The following C10orf67 variants were observed in gnomAD, a reference collection of about 807,000 sequenced individuals.
C10orf67 encodes the protein uncharacterized protein C10orf67, mitochondrial.
A neutral mutation model predicts 35.6 loss-of-function variants in C10orf67; 60 were observed. The ratio of observed to expected loss-of-function variants is 1.68; its 90% CI spans 1.37 to 2.09. The LOEUF (loss-of-function observed/expected upper bound fraction) is 2.09. C10orf67 is among the 30% of genes most tolerant of loss of function. The probability of loss-of-function intolerance (pLI) is 0.00; values close to 1 mark genes in which losing one functional copy is unlikely to be tolerated. For missense variants in C10orf67, 474 were observed against 330.2 expected, an observed-to-expected ratio of 1.44 and a Z score of -3.38; for synonymous variants, 167 against 115.8, an observed-to-expected ratio of 1.44 and a Z score of -2.84.
intron 10 of C10orf67, among the ~76,000 whole-genome samples, chr10:23,264,071 C>T (rs1237458850): frequency 6.6e-6 from 1 of 152,080 alleles, no homozygotes; most frequent in Non-Finnish European, 1.5e-5. Context: ...TGTAACAAGC[C>T]CTCCATGTGG....
At chr10:23,219,450 T>A (rs1329453220) in intron 15 of C10orf67, among the ~76,000 whole-genome samples, 1 of 152,226 alleles carries the variant, frequency 6.6e-6, no homozygotes, top group Non-Finnish European at 1.5e-5. Context: ...TCTGTGGCAG[T>A]GCACAGTACA....
chr10:23,293,515 A>C (rs1305881194), intron 5 of C10orf67, among the ~76,000 whole-genome samples: 1 of 152,200 alleles, frequency 6.6e-6, no homozygotes, highest in Non-Finnish European at 1.5e-5. Context: ...GTGTTTGCTT[A>C]AACCAGGAGA....
At chr10:23,271,944 C>T (rs1310939638) in intron 8 of C10orf67, among the ~76,000 whole-genome samples, 2 of 152,170 alleles carry the variant, frequency 1.3e-5, no homozygotes, top group Admixed American at 1.3e-4. Flanking sequence ...TGCTCTGTCA[C>T]CCAGGCTGGA....
chr10:23,240,137 GC>G (rs1240479500), intron 12 of C10orf67, among the ~76,000 whole-genome samples: 1 of 152,096 alleles, frequency 6.6e-6, no homozygotes, highest in Non-Finnish European at 1.5e-5. Context: ...GCTGCAGTGA[GC>G]CGTGATTGCA....
At chr10:23,316,693 C>G (rs1457369914) in intron 4 of C10orf67, 2 of 152,706 alleles carry the variant, frequency 1.3e-5, no homozygotes, top group Non-Finnish European at 2.9e-5. Context: ...TGCTCAGCTC[C>G]CAGCTAAGAG....
intron 9 of C10orf67, 100 bp from the exon 10 acceptor site, chr10:23,266,526 G>C: frequency 2.5e-6 from 1 of 397,158 alleles, no homozygotes; most frequent in South Asian, 1.4e-4. Flanking sequence ...TGGAATTGCA[G>C]AACTGAGGTT....
intron 13 of C10orf67, among the ~76,000 whole-genome samples, chr10:23,229,247 T>C (rs1486897091): frequency 1.3e-5 from 2 of 151,976 alleles, no homozygotes; most frequent in Non-Finnish European, 2.9e-5. Context: ...TGGAATACTA[T>C]GCAGCCATAT....
At chr10:23,309,428 C>T (rs1038912820) in intron 4 of C10orf67, among the ~76,000 whole-genome samples, 2 of 152,092 alleles carry the variant, frequency 1.3e-5, no homozygotes, top group African/African-American at 4.8e-5. Context: ...TGAAATATTA[C>T]CTATTGAATA....
rs374188435 is a variant in C10orf67 at position 23,207,920 on chromosome 10, T to C, written c.1571-3665A>G. On this transcript the variant is annotated intron_variant, in intron 15 of 15. Transcript: ENST00000636213. Reference sequence around the variant, plus strand: ...GTGTAGAACATAACAAATTATGCAATGTTCACAGATGCGCTTCACATTGTG... The same window carrying C: ...GTGTAGAACATAACAAATTATGCAACGTTCACAGATGCGCTTCACATTGTG... Among the ~76,000 whole-genome samples the C allele has an allele frequency of 3.9e-5, 6 of 152,242 alleles. No homozygotes were observed. The East Asian group carries it at 1.2e-3, about 29-fold the overall frequency.
chr10:23,274,138 C>T (rs1308805346), intron 8 of C10orf67, among the ~76,000 whole-genome samples: 1 of 152,034 alleles, frequency 6.6e-6, no homozygotes, highest in Non-Finnish European at 1.5e-5. Context: ...TCACAGAGAT[C>T]ACACGCTTCA....
chr10:23,335,710 T>C (rs1845653127), intron 1 of C10orf67, among the ~76,000 whole-genome samples: 1 of 152,198 alleles, frequency 6.6e-6, no homozygotes, highest in Non-Finnish European at 1.5e-5. Context: ...CACAAAATTT[T>C]CAGCTTTCCA....
chr10:23,278,551 G>A (rs892066656), intron 8 of C10orf67, among the ~76,000 whole-genome samples: 1 of 152,174 alleles, frequency 6.6e-6, no homozygotes, highest in Non-Finnish European at 1.5e-5. Context: ...GGAAACAGCA[G>A]GTAAGATAAC....
At chr10:23,248,887 A>G (rs1332904856) in intron 12 of C10orf67, among the ~76,000 whole-genome samples, 1 of 152,168 alleles carries the variant, frequency 6.6e-6, no homozygotes, top group Admixed American at 6.5e-5. Context: ...GCAGAGACCA[A>G]AACGATTAAT....
At chr10:23,321,229 G>C (rs542851806) in intron 3 of C10orf67, among the ~76,000 whole-genome samples, 1 of 152,128 alleles carries the variant, frequency 6.6e-6, no homozygotes, top group Admixed American at 6.5e-5. Flanking sequence ...GTTATTTTCC[G>C]ATTAATCAAA....
rs547067128 is a variant in C10orf67, at chr10:23,266,975, A to G, written c.1035+220T>C. The stretch of plus-strand genomic sequence containing the variant: ...GCGCAGGCTGGTCTTGAACTCCTGG[A>G]CTCAAGCAATCCTCCTGCCTCGGCC... On this transcript the variant is annotated intron_variant, in intron 9 of 15. Coordinates refer to ENST00000636213, the MANE Select transcript of C10orf67 (RefSeq NM_001371909.1). Among the ~76,000 whole-genome samples the G allele has an allele frequency of 5.3e-5, 8 of 152,152 alleles. No individual in the cohort carries two copies. The East Asian group carries it at 1.5e-3, about 29-fold the overall frequency.
At position 23,291,127 on chromosome 10, in the gene C10orf67, G is replaced by A. The variant is rs1261629802; in HGVS notation, c.850+5C>T. The A allele has an allele frequency of 1.4e-6, 1 of 700,686 alleles. No homozygotes were observed. Among genetic ancestry groups the A allele is most frequent in the Admixed American group, 2.2e-5 (1 of 46,308 alleles). 43.4% of individuals were successfully genotyped at this position (700,686 alleles called of 1,614,324 possible). A position where few individuals can be genotyped will look rare whatever the true frequency, so the allele number is the denominator to read the frequency against. On this transcript the variant is annotated splice_donor_5th_base_variant and intron_variant, in intron 6 of 15. Transcript: ENST00000636213. The stretch of plus-strand genomic sequence containing the variant: ...TTTTTCTCAAAAGTGATTTCAAAAT[G>A]TTACCTAATCCTGAATTTTCTTTTA...
chr10:23,299,243 G>T (rs1564496975), intron 5 of C10orf67, among the ~76,000 whole-genome samples: 2 of 152,156 alleles, frequency 1.3e-5, no homozygotes, highest in South Asian at 4.1e-4. Flanking sequence ...AGGGGCTATT[G>T]CATGGTTTTA....
intron 15 of C10orf67, among the ~76,000 whole-genome samples, chr10:23,211,837 C>T (rs948094103): frequency 6.6e-5 from 10 of 151,960 alleles, no homozygotes; most frequent in African/African-American, 2.4e-4. Flanking sequence ...TTTAGGACTC[C>T]ATATGGGCCT....
chr10:23,235,012 C>CAAAAAAAAAAAAAAAAAAAAAAGCAAAA (rs57049730), intron 13 of C10orf67, among the ~76,000 whole-genome samples: 1 of 76,050 alleles, frequency 1.3e-5, no homozygotes, highest in Non-Finnish European at 2.6e-5. Context: ...AATTCCATCT[C>CAAAAAAAAAAAAAAAAAAAAAAGCAAAA]AAAAAAAAAA....
Sources: gnomAD v4.1 joint callset for allele counts (sites outside exome capture counted in the v4.1 genomes callset) on GRCh38, gnomAD v4.1.1 for gene constraint, MANE v1.5 for transcripts, NCBI Gene and HGNC (gene_info 2026-07-23, HGNC 2026-07-21) for gene names.